Variants in COL6A6 observed in about 807,000 individuals in gnomAD.
COL6A6 encodes the protein collagen alpha-6(VI) chain.
COL6A6 carries 183 observed loss-of-function variants against 208.6 expected under a neutral mutation model. That is an observed-to-expected ratio of 0.88 (90% CI 0.78 to 0.99). The LOEUF (loss-of-function observed/expected upper bound fraction) is 0.99, where lower values mean the gene tolerates loss of function less well. Among genes scored for constraint, COL6A6 ranks in the 50% least tolerant of loss-of-function variants. The probability of loss-of-function intolerance (pLI) is 0.00; values close to 1 mark genes in which losing one functional copy is unlikely to be tolerated. For synonymous variants in COL6A6, 973 were observed against 1,011.8 expected (o/e 0.96, Z 0.73); for missense variants, 2,816 against 2,815.2 (o/e 1.00, Z -0.01).
chr3:130,538,086 G>C (rs1337841848), intron 1 of COL6A6, among the ~76,000 whole-genome samples: 1 of 152,210 alleles, frequency 6.6e-6, no homozygotes, highest in African/African-American at 2.4e-5. Flanking sequence ...GCAAAGCTTT[G>C]CCTCAAGGAA....
At chr3:130,547,983 G>A (rs2062557290) in intron 1 of COL6A6, among the ~76,000 whole-genome samples, 1 of 152,100 alleles carries the variant, frequency 6.6e-6, no homozygotes, top group African/African-American at 2.4e-5. Context: ...TTTTGAGATG[G>A]GGTTTCACCA....
rs55821593 is a variant in COL6A6, at chr3:130,573,563, CTTT to C, written c.2978-374_2978-372del. Among the ~76,000 whole-genome samples, 39 of 84,508 alleles carry C rather than the reference CTTT, an allele frequency of 4.6e-4. No homozygotes were observed. The South Asian group carries it at 9.8e-3, about 21-fold the overall frequency. The allele number at this position is 84,508 out of a possible 152,430, so 55.4% of individuals were successfully genotyped here. A position where few individuals can be genotyped will look rare whatever the true frequency, so the allele number is the denominator to read the frequency against. On this transcript the variant is annotated intron_variant, in intron 7 of 36. Coordinates refer to ENST00000358511, the MANE Select transcript of COL6A6 (RefSeq NM_001102608.3). The stretch of plus-strand genomic sequence containing the variant: ...AGAAATATTTCTATATAGCTGCAAA[CTTT>C]TTTTTTTTTTTTTTTTTTGAGACGG...
rs529766644 is a variant in COL6A6 at position 130,558,537 on chromosome 3, T to C, written c.-31-1797T>C. ...TCTGCATATGGAAATTTCCAGATGC[T>C]GCATGCTGCTTTGGGACTATTGTAG... On this transcript the variant is annotated intron_variant, in intron 1 of 36. Coordinates refer to ENST00000358511, the MANE Select transcript of COL6A6 (RefSeq NM_001102608.3). Among the ~76,000 whole-genome samples the C allele has an allele frequency of 4.6e-5, 7 of 152,360 alleles. No homozygotes were observed. The South Asian group carries it at 1.5e-3, about 32-fold the overall frequency.
Position 130,563,463 on chromosome 3 carries a change from C to A in COL6A6, c.460C>A (p.Leu154Met), listed in dbSNP as rs925552364. 1 of 1,614,010 alleles carries A rather than the reference C, an allele frequency of 6.2e-7. No homozygotes were observed. ...EDNVEEASKA[L>M]RKDGVKIISV... ...TAATGTGGAAGAGGCATCAAAGGCC[C>A]TGCGGAAAGACGGAGTGAAAATCAT... The change falls in exon 3 of 37, where the codon CTG becomes ATG. Residue 154 changes from leucine to methionine, a missense_variant. By Grantham distance (15) the Leu-to-Met change is conservative (BLOSUM62 2). Transcript: ENST00000358511.
chr3:130,603,529 G>A (rs1407901918), intron 20 of COL6A6, among the ~76,000 whole-genome samples: 4 of 152,192 alleles, frequency 2.6e-5, no homozygotes, highest in Non-Finnish European at 5.9e-5. Flanking sequence ...TGGTAGTTCT[G>A]TGGGGGAGAT....
intron 1 of COL6A6, among the ~76,000 whole-genome samples, chr3:130,550,100 C>G (rs938691380): frequency 6.6e-6 from 1 of 152,014 alleles, no homozygotes. Flanking sequence ...TGATTTGGCT[C>G]TCATCTTGGA....
At chr3:130,568,852 T>A (rs2063094893) in intron 6 of COL6A6, among the ~76,000 whole-genome samples, 1 of 152,208 alleles carries the variant, frequency 6.6e-6, no homozygotes, top group Non-Finnish European at 1.5e-5. Context: ...AATGGTATCA[T>A]ACCAGTTCTT....
At position 130,566,886 on chromosome 3, in the gene COL6A6, G is replaced by A. The variant is rs1289811677; in HGVS notation, c.1467G>A (p.Glu489=). The A allele has an allele frequency of 6.2e-7, 1 of 1,613,880 alleles. No homozygotes were observed. Among genetic ancestry groups the A allele is most frequent in the Non-Finnish European group, 8.5e-7 (1 of 1,179,904 alleles). The stretch of plus-strand genomic sequence containing the variant: ...CTGACAGCTGGGACTTGGAATTTGA[G>A]ATCAATAAATACTCCAACAAGCAGG... ...QYADSWDLEF[E]INKYSNKQDL... The change falls in exon 5 of 37, where the codon GAG becomes GAA. Residue 489 remains glutamate (E), a synonymous_variant. Coordinates refer to ENST00000358511, the MANE Select transcript of COL6A6 (RefSeq NM_001102608.3).
Position 130,563,240 on chromosome 3 carries a change from C to T in COL6A6, c.237C>T (p.Phe79=), listed in dbSNP as rs767168248. The T allele has an allele frequency of 6.2e-7, 1 of 1,613,996 alleles. No homozygotes were observed. Among genetic ancestry groups the T allele is most frequent in the Non-Finnish European group, 8.5e-7 (1 of 1,179,896 alleles). Residue 79 remains phenylalanine (F), a synonymous_variant, in exon 3 of 37, where the codon TTC becomes TTT. Transcript: ENST00000358511. ...ACAGTGATAAACTTCACAGTGAATTCCACCTGAGCACCTTCAAAGGCAGGA... is the reference window on the plus strand; with the variant it reads ...ACAGTGATAAACTTCACAGTGAATTTCACCTGAGCACCTTCAAAGGCAGGA... ...AQYSDKLHSE[F]HLSTFKGRSP...
Position 130,649,161 on chromosome 3 carries a change from G to T in COL6A6, c.5332G>T (p.Glu1778Ter). 1 of 1,594,882 alleles carries T rather than the reference G, an allele frequency of 6.3e-7. No homozygotes were observed. The change falls in exon 33 of 37, where the codon GAG becomes TAG. Residue 1778 changes from glutamate to a stop codon, truncating the protein, a stop_gained. Coordinates refer to ENST00000358511, the MANE Select transcript of COL6A6 (RefSeq NM_001102608.3). LOFTEE classifies it high-confidence loss of function. ...VTEQEFERMK[E>*]MMAFLVRDIK... ...TGAGCAGGAATTTGAGCGGATGAAG[G>T]AGATGATGGCTTTCCTGGTGAGAGA... is the stretch of plus-strand genomic sequence containing the variant.
Position 130,567,082 on chromosome 3 carries a change from G to T in COL6A6, c.1663G>T (p.Glu555Ter). 6.2e-7 allele frequency: 1 copy of T among 1,614,044 alleles called. No individual in the cohort carries two copies. Among genetic ancestry groups the T allele is most frequent in the Non-Finnish European group, 8.5e-7 (1 of 1,179,900 alleles). Reference protein sequence around the residue: ...TNGMSKDSILEPANRLREEHI... With the variant: ...TNGMSKDSIL ...TGGCATGTCCAAGGATAGCATCTTG[G>T]AGCCTGCAAACAGACTGAGAGAAGA... is the stretch of plus-strand genomic sequence containing the variant. The change falls in exon 5 of 37, where the codon GAG becomes TAG. Residue 555 changes from glutamate (E) to a stop codon, truncating the protein, a stop_gained. Transcript: ENST00000358511. LOFTEE classifies it high-confidence loss of function.
chr3:130,541,875 G>A (rs1476105859), intron 1 of COL6A6, among the ~76,000 whole-genome samples: 1 of 152,162 alleles, frequency 6.6e-6, no homozygotes. Context: ...GTATATTCTT[G>A]TGTGAGTTTT....
At chr3:130,533,395 C>T (rs2062152472) in intron 1 of COL6A6, among the ~76,000 whole-genome samples, 1 of 152,070 alleles carries the variant, frequency 6.6e-6, no homozygotes, top group South Asian at 2.1e-4. Flanking sequence ...AAGATATGAA[C>T]ACTCCTTTTT....
At chr3:130,640,717 C>T (rs1046033976) in intron 28 of COL6A6, among the ~76,000 whole-genome samples, 9 of 151,802 alleles carry the variant, frequency 5.9e-5, no homozygotes, top group African/African-American at 1.2e-4. Flanking sequence ...GTTGAATGCA[C>T]GTGAAAATAT....
intron 1 of COL6A6, among the ~76,000 whole-genome samples, chr3:130,553,227 T>A (rs1365729553): frequency 2.0e-5 from 3 of 152,242 alleles, no homozygotes. Context: ...ATGGATGACA[T>A]CCTGAAAAAT....
chr3:130,643,049 C>T, intron 31 of COL6A6, 26 bp downstream of exon 31: 2 of 1,608,214 alleles, frequency 1.2e-6, no homozygotes, highest in South Asian at 1.1e-5. Context: ...AAAATGATCA[C>T]CCAAGTTGTC....
At position 130,676,286 on chromosome 3, in the gene COL6A6, G is replaced by A. The variant is rs1407154657; in HGVS notation, c.*889G>A. ...AGGATTAGCAGAGCTCTTAAAAACAGCCTTAAATACACACTGAGTTTAGAA... is the reference window on the plus strand; with the variant it reads ...AGGATTAGCAGAGCTCTTAAAAACAACCTTAAATACACACTGAGTTTAGAA... On this transcript the variant is annotated 3_prime_UTR_variant, in exon 37 of 37. Coordinates refer to ENST00000358511, the MANE Select transcript of COL6A6 (RefSeq NM_001102608.3). The A allele has an allele frequency of 6.6e-6, 1 of 152,154 alleles. No homozygotes were observed. Among genetic ancestry groups the A allele is most frequent in the Non-Finnish European group, 1.5e-5 (1 of 68,036 alleles). 9.4% of individuals were successfully genotyped at this position (152,154 alleles called of 1,614,324 possible). A position where few individuals can be genotyped will look rare whatever the true frequency, so the allele number is the denominator to read the frequency against.
At chr3:130,535,521 C>G (rs760882854) in intron 1 of COL6A6, among the ~76,000 whole-genome samples, 16 of 151,908 alleles carry the variant, frequency 1.1e-4, no homozygotes, top group Non-Finnish European at 1.9e-4. Context: ...GTGAAACCTT[C>G]TGCCTCCCTT....
intron 33 of COL6A6, among the ~76,000 whole-genome samples, chr3:130,650,312 G>A (rs1202760439): frequency 6.6e-6 from 1 of 152,130 alleles, no homozygotes; most frequent in Admixed American, 6.5e-5. Flanking sequence ...CAGCAAAGAG[G>A]CATTGGAAAA....
Sources: gnomAD v4.1 joint callset for allele counts (sites outside exome capture counted in the v4.1 genomes callset) on GRCh38, gnomAD v4.1.1 for gene constraint, MANE v1.5 for transcripts, NCBI Gene and HGNC (gene_info 2026-07-23, HGNC 2026-07-21) for gene names.